FMN1: variants seen among roughly 807,000 people sequenced by gnomAD.
FMN1 encodes formin-1.
Under a neutral mutation model 132.4 loss-of-function variants are expected in FMN1, and 110 were observed. That is an observed-to-expected ratio of 0.83 (90% confidence interval 0.71 to 0.97). The LOEUF (loss-of-function observed/expected upper bound fraction) is 0.97. FMN1 is among the 50% of genes least tolerant of loss of function. FMN1 has a pLI of 0.00. For synonymous variants in FMN1, 722 were observed against 651.7 expected (o/e 1.11, Z -1.64); for missense variants, 1,792 against 1,705.3 (o/e 1.05, Z -0.90).
At chr15:32,823,169 T>TTTG (rs2058273593) in intron 17 of FMN1, among the ~76,000 whole-genome samples, 1 of 117,340 alleles carries the variant, frequency 8.5e-6, no homozygotes, top group Non-Finnish European at 1.9e-5. Context: ...TTTTTTTTTT[T>TTTG]TTTTTTTTTT....
chr15:33,068,145 C>A, intron 5 of FMN1: 1 of 655,514 alleles, frequency 1.5e-6, no homozygotes, highest in Non-Finnish European at 2.3e-6. Flanking sequence ...GCGCACCTTA[C>A]TACACACGGA....
intron 10 of FMN1, among the ~76,000 whole-genome samples, chr15:32,924,502 G>A (rs1487954407): frequency 1.3e-5 from 2 of 152,186 alleles, no homozygotes; most frequent in Non-Finnish European, 1.5e-5. Context: ...TAAACAACAT[G>A]AACTGAAACC....
At chr15:32,884,747 T>A (rs559505423) in intron 16 of FMN1, among the ~76,000 whole-genome samples, 3 of 152,316 alleles carry the variant, frequency 2.0e-5, no homozygotes, top group African/African-American at 4.8e-5. Context: ...GAAATTGAAA[T>A]TATTGTCTTG....
intron 17 of FMN1, among the ~76,000 whole-genome samples, chr15:32,820,331 T>C (rs2058176741): frequency 6.6e-6 from 1 of 152,224 alleles, no homozygotes; most frequent in South Asian, 2.1e-4. Context: ...ACTTTTTCTT[T>C]TAACTGCAAA....
chr15:32,998,455 G>A (rs2033907483), intron 7 of FMN1, among the ~76,000 whole-genome samples: 3 of 152,178 alleles, frequency 2.0e-5, no homozygotes, highest in Admixed American at 6.5e-5. Flanking sequence ...GAAGCTAGAA[G>A]GAAACTTACG....
intron 17 of FMN1, among the ~76,000 whole-genome samples, chr15:32,809,018 C>T (rs2057778518): frequency 6.6e-6 from 1 of 150,988 alleles, no homozygotes; most frequent in Non-Finnish European, 1.5e-5. Context: ...TTTGCTGTTT[C>T]AGCTCATTTT....
chr15:33,040,527 A>G (rs543958831), intron 6 of FMN1, among the ~76,000 whole-genome samples: 196 of 152,348 alleles, frequency 1.3e-3, no homozygotes, highest in African/African-American at 4.6e-3. Flanking sequence ...ATTATTATTT[A>G]TAACAGTGGA....
At chr15:32,842,486 G>A (rs1241392881) in intron 17 of FMN1, among the ~76,000 whole-genome samples, 2 of 152,182 alleles carry the variant, frequency 1.3e-5, no homozygotes, top group South Asian at 4.1e-4. Flanking sequence ...GGTTGGTTAT[G>A]CACTGTGGAT....
intron 4 of FMN1, among the ~76,000 whole-genome samples, chr15:33,112,416 A>G (rs1436338274): frequency 2.0e-5 from 3 of 152,166 alleles, no homozygotes; most frequent in Non-Finnish European, 2.9e-5. Context: ...TTTCTTACAT[A>G]ATTCTTTTAA....
chr15:33,034,773 G>T (rs1447583522), intron 6 of FMN1, among the ~76,000 whole-genome samples: 1 of 152,010 alleles, frequency 6.6e-6, no homozygotes, highest in Admixed American at 6.5e-5. Context: ...TGATTTCCTT[G>T]TAATTGCTTT....
In FMN1 at chr15:32,768,088, A is replaced by G. The variant is rs2056106945; in HGVS notation, c.*6222T>C. ...GTCCCTTACTGGGAAGAGCAGTATAATTTTTGTATGCTATAAACTCCTTTT... is the reference window on the plus strand; with the variant it reads ...GTCCCTTACTGGGAAGAGCAGTATAGTTTTTGTATGCTATAAACTCCTTTT... On this transcript the variant is annotated 3_prime_UTR_variant, in exon 21 of 21. Transcript: ENST00000616417. The G allele has an allele frequency of 6.6e-6, 1 of 152,202 alleles. No homozygotes were observed. Among genetic ancestry groups the G allele is most frequent in the Non-Finnish European group, 1.5e-5 (1 of 68,018 alleles). The allele number at this position is 152,202 out of a possible 1,614,324, so 9.4% of individuals were successfully genotyped here. A position where few individuals can be genotyped will look rare whatever the true frequency, so the allele number is the denominator to read the frequency against.
At chr15:33,101,329 A>G (rs1343627443) in intron 4 of FMN1, among the ~76,000 whole-genome samples, 1 of 152,140 alleles carries the variant, frequency 6.6e-6, no homozygotes, top group Non-Finnish European at 1.5e-5. Context: ...TCTAATTTCA[A>G]ACTATACTTA....
chr15:32,869,735 A>G (rs1465135130), intron 16 of FMN1, among the ~76,000 whole-genome samples: 1 of 152,180 alleles, frequency 6.6e-6, no homozygotes, highest in Non-Finnish European at 1.5e-5. Context: ...GGTCAGTAGG[A>G]AAGTGAAGGT....
At chr15:32,917,926 A>G (rs182613508) in intron 10 of FMN1, among the ~76,000 whole-genome samples, 1 of 152,342 alleles carries the variant, frequency 6.6e-6, no homozygotes, top group East Asian at 1.9e-4. Flanking sequence ...AATTTCATTT[A>G]TTTAGTATAT....
At chr15:33,164,472 T>C (rs11637274) in intron 3 of FMN1, among the ~76,000 whole-genome samples, 62,393 of 152,070 alleles carry the variant, frequency 0.41, 14,680 homozygotes, top group Non-Finnish European at 0.5. Flanking sequence ...GGCTCCTTTT[T>C]GTGTACGTTT....
intron 16 of FMN1, among the ~76,000 whole-genome samples, chr15:32,886,666 T>C (rs1040054372): frequency 6.6e-6 from 1 of 151,818 alleles, no homozygotes; most frequent in African/African-American, 2.4e-5. Flanking sequence ...ATAGGAGAGG[T>C]CAGGCCAAGG....
chr15:32,783,103 C>T (rs79134993), intron 19 of FMN1, among the ~76,000 whole-genome samples: 1,820 of 152,108 alleles, frequency 0.012, 34 homozygotes, highest in African/African-American at 0.041. Context: ...CTATGAAATA[C>T]ATCCGTGTAA....
intron 3 of FMN1, among the ~76,000 whole-genome samples, chr15:33,169,895 T>C (rs1965253938): frequency 6.6e-6 from 1 of 152,018 alleles, no homozygotes; most frequent in African/African-American, 2.4e-5. Flanking sequence ...AGTAGATACA[T>C]ACTTGCATAA....
intron 5 of FMN1, among the ~76,000 whole-genome samples, chr15:33,081,708 C>CAGAT (rs1219445369): frequency 6.6e-6 from 1 of 152,162 alleles, no homozygotes; most frequent in Non-Finnish European, 1.5e-5. Flanking sequence ...AGTCTAGACT[C>CAGAT]AGATCTGGGT....
Sources: allele counts gnomAD v4.1 joint callset (sites outside exome capture counted in the v4.1 genomes callset), GRCh38; gene constraint gnomAD v4.1.1; transcripts MANE v1.5; gene names NCBI Gene and HGNC (gene_info 2026-07-23, HGNC 2026-07-21).